Variants in MAGI2 observed in about 807,000 individuals in gnomAD.
MAGI2 encodes the protein membrane-associated guanylate kinase, WW and PDZ domain-containing protein 2.
A neutral mutation model predicts 133.3 loss-of-function variants in MAGI2; 35 were observed. That is an observed-to-expected ratio of 0.26 (90% CI 0.20 to 0.35). The LOEUF is 0.35. Ranked by LOEUF, MAGI2 falls within the 10% of genes least tolerant of loss-of-function variation. The pLI is 1.00. For synonymous variants in MAGI2, 729 were observed against 710.6 expected (o/e 1.03, Z -0.41); for missense variants, 1,636 against 1,863.4 (o/e 0.88, Z 2.25).
chr7:78,485,837 C>G (rs960955233), intron 6 of MAGI2: 1 of 151,878 alleles, frequency 6.6e-6, no homozygotes, highest in African/African-American at 2.4e-5. Flanking sequence ...CAGTAACATC[C>G]AAAATGTACA....
chr7:78,118,316 A>G (rs1178035489), intron 20 of MAGI2, among the ~76,000 whole-genome samples: 1 of 152,200 alleles, frequency 6.6e-6, no homozygotes, highest in Non-Finnish European at 1.5e-5. Flanking sequence ...ATATGACACA[A>G]AAGGCATAAT....
At chr7:79,012,887 A>G (rs1215604477) in intron 1 of MAGI2, among the ~76,000 whole-genome samples, 1 of 152,166 alleles carries the variant, frequency 6.6e-6, no homozygotes, top group Non-Finnish European at 1.5e-5. Context: ...GCAAATGGCC[A>G]TCTTCTCATT....
chr7:78,291,319 C>G (rs1024505741), intron 9 of MAGI2, among the ~76,000 whole-genome samples: 1 of 152,182 alleles, frequency 6.6e-6, no homozygotes, highest in Non-Finnish European at 1.5e-5. Context: ...TGCAAATAAA[C>G]TAGAAAATCT....
At chr7:78,635,577 T>C (rs1031981372) in intron 2 of MAGI2, among the ~76,000 whole-genome samples, 2 of 152,236 alleles carry the variant, frequency 1.3e-5, no homozygotes, top group African/African-American at 4.8e-5. Flanking sequence ...AGATGGGTCA[T>C]TGTGTGAGAA....
chr7:78,578,918 A>C (rs1802550014), intron 3 of MAGI2, among the ~76,000 whole-genome samples: 1 of 152,114 alleles, frequency 6.6e-6, no homozygotes, highest in Admixed American at 6.5e-5. Context: ...TGGATATTTA[A>C]ATATTTGGTT....
At chr7:78,814,726 CTAT>C (rs1470794623) in intron 2 of MAGI2, among the ~76,000 whole-genome samples, 4 of 151,904 alleles carry the variant, frequency 2.6e-5, no homozygotes, top group African/African-American at 9.7e-5. Context: ...ATTTAATTTT[CTAT>C]TATTATTATT....
At position 79,396,308 on chromosome 7, in the gene MAGI2, C is replaced by T. The variant is rs143227258; in HGVS notation, c.301+56712G>A. On this transcript the variant is annotated intron_variant, in intron 1 of 21. Transcript: ENST00000354212. Reference sequence around the variant, plus strand: ...CCTTTCACCTGGTGGATGCAGAAGACAATGAAGCCCCAAGGGTAGCAGAGC... The same window carrying T: ...CCTTTCACCTGGTGGATGCAGAAGATAATGAAGCCCCAAGGGTAGCAGAGC... Among the ~76,000 whole-genome samples the T allele has an allele frequency of 1.9e-3, 296 of 152,118 alleles. 2 individuals are homozygous for T. Among genetic ancestry groups the T allele is most frequent in the African/African-American group, 6.8e-3 (282 of 41,496 alleles).
intron 2 of MAGI2, among the ~76,000 whole-genome samples, chr7:78,999,117 C>A (rs912027009): frequency 6.6e-6 from 1 of 151,918 alleles, no homozygotes; most frequent in Non-Finnish European, 1.5e-5. Flanking sequence ...TGATCAATAG[C>A]CCACAAACCA....
chr7:78,338,591 A>T (rs76786985), intron 9 of MAGI2, among the ~76,000 whole-genome samples: 339 of 152,324 alleles, frequency 2.2e-3, no homozygotes, highest in African/African-American at 8.0e-3. Context: ...AATTAGCAAA[A>T]TATCTGGCAC....
intron 1 of MAGI2, among the ~76,000 whole-genome samples, chr7:79,044,856 G>C (rs187146800): frequency 7.4e-4 from 112 of 152,248 alleles, no homozygotes; most frequent in African/African-American, 2.5e-3. Context: ...ACTTGGAAAA[G>C]TTTGACAGTT....
At chr7:78,678,052 A>G (rs1319574662) in intron 2 of MAGI2, among the ~76,000 whole-genome samples, 1 of 152,176 alleles carries the variant, frequency 6.6e-6, no homozygotes, top group African/African-American at 2.4e-5. Flanking sequence ...AGTAGAACTG[A>G]TCTAATGAAG....
At chr7:79,172,561 C>T (rs1825719706) in intron 1 of MAGI2, among the ~76,000 whole-genome samples, 1 of 151,832 alleles carries the variant, frequency 6.6e-6, no homozygotes, top group East Asian at 1.9e-4. Context: ...TTAGAAATGC[C>T]ATATGAGTAT....
chr7:78,080,060 A>G (rs1815783597), intron 20 of MAGI2, among the ~76,000 whole-genome samples: 1 of 152,234 alleles, frequency 6.6e-6, no homozygotes, highest in Admixed American at 6.5e-5. Flanking sequence ...ACAGAACTGT[A>G]GAAAAACTCT....
chr7:79,157,559 G>GAA (rs71095381), intron 1 of MAGI2, among the ~76,000 whole-genome samples: 3 of 138,368 alleles, frequency 2.2e-5, no homozygotes, highest in Non-Finnish European at 4.6e-5. Flanking sequence ...CTCCTTTTAA[G>GAA]AAAAAAAAAA....
chr7:78,468,869 G>A (rs1181665878), intron 6 of MAGI2, among the ~76,000 whole-genome samples: 1 of 152,142 alleles, frequency 6.6e-6, no homozygotes, highest in African/African-American at 2.4e-5. Context: ...CAAGTCAGAA[G>A]GTTAATAATA....
At position 78,148,526 on chromosome 7, in the gene MAGI2, T is replaced by A. The variant is rs540521798; in HGVS notation, c.2845+11499A>T. On this transcript the variant is annotated intron_variant, in intron 16 of 21. Transcript: ENST00000354212. The stretch of plus-strand genomic sequence containing the variant: ...TGAAAAAGCAGAAGGAGATAAGAGG[T>A]TTTGGATGGAAATAAATAGAGATAA... Among the ~76,000 whole-genome samples the A allele has an allele frequency of 5.3e-5, 8 of 151,782 alleles. No individual in the cohort carries two copies. The East Asian group carries it at 1.5e-3, about 29-fold the overall frequency.
At position 78,651,588 on chromosome 7, in the gene MAGI2, T is replaced by C. The variant is rs374467336; in HGVS notation, c.419-24349A>G. On this transcript the variant is annotated intron_variant, in intron 2 of 21. Transcript: ENST00000354212. The stretch of plus-strand genomic sequence containing the variant: ...AATAACTTCCAATAATATGATTCTT[T>C]TGATAATCAGATATCAAAGAATTAG... Among the ~76,000 whole-genome samples the C allele has an allele frequency of 4.3e-4, 66 of 152,186 alleles. 1 individual carries two copies. The South Asian group carries it at 0.014, about 32-fold the overall frequency.
chr7:78,867,234 T>C (rs1361365159), intron 2 of MAGI2, among the ~76,000 whole-genome samples: 3 of 151,394 alleles, frequency 2.0e-5, no homozygotes, highest in Non-Finnish European at 4.4e-5. Flanking sequence ...TAAAGACACA[T>C]GCACACGTAT....
At chr7:79,099,158 T>C (rs1562887872) in intron 1 of MAGI2, among the ~76,000 whole-genome samples, 1 of 152,162 alleles carries the variant, frequency 6.6e-6, no homozygotes, top group East Asian at 1.9e-4. Flanking sequence ...AAGTTAAAAT[T>C]AGTGCTATTT....
Sources: allele counts gnomAD v4.1 joint callset (sites outside exome capture counted in the v4.1 genomes callset), GRCh38; gene constraint gnomAD v4.1.1; transcripts MANE v1.5; gene names NCBI Gene and HGNC (gene_info 2026-07-23, HGNC 2026-07-21).